The following RERE variants were observed in gnomAD, a reference collection of about 807,000 sequenced individuals.
RERE encodes the protein arginine-glutamic acid dipeptide repeats, also known as arginine-glutamic acid dipeptide repeats protein.
RERE carries 40 observed loss-of-function variants against 146.1 expected under a neutral mutation model. That is an observed-to-expected ratio of 0.27 (90% CI 0.21 to 0.36). The LOEUF is 0.36. RERE is among the 10% of genes least tolerant of loss of function. RERE has a pLI of 1.00. For synonymous variants in RERE, 1,003 were observed against 866.0 expected, an observed-to-expected ratio of 1.16 and a Z score of -2.78; for missense variants, 1,933 against 2,138.7, an observed-to-expected ratio of 0.90 and a Z score of 1.90.
chr1:8,389,112 C>G (rs138475597), intron 12 of RERE, among the ~76,000 whole-genome samples: 3 of 152,296 alleles, frequency 2.0e-5, no homozygotes, highest in South Asian at 2.1e-4. Flanking sequence ...CATGTGTCAG[C>G]TGGGAAGGGT....
chr1:8,412,516 A>C (rs1643642700), intron 12 of RERE, among the ~76,000 whole-genome samples: 1 of 152,222 alleles, frequency 6.6e-6, no homozygotes, highest in African/African-American at 2.4e-5. Context: ...TGGGACATAC[A>C]AAGTGTGTGT....
intron 1 of RERE, chr1:8,798,650 G>T: frequency 4.6e-6 from 1 of 216,360 alleles, no homozygotes. Context: ...GACAGCTGTT[G>T]TGGGCAAGAA....
chr1:8,689,577 CCT>C (rs1458131584), intron 1 of RERE, among the ~76,000 whole-genome samples: 2 of 152,086 alleles, frequency 1.3e-5, no homozygotes, highest in Admixed American at 1.3e-4. Flanking sequence ...ATATTTTTTC[CCT>C]GAGACAGGAA....
At chr1:8,664,134 A>G (rs1255148987) in intron 1 of RERE, among the ~76,000 whole-genome samples, 2 of 152,022 alleles carry the variant, frequency 1.3e-5, no homozygotes, top group African/African-American at 2.4e-5. Flanking sequence ...AGCAACTCCC[A>G]CTCAAGCAAT....
At chr1:8,436,232 T>C (rs1031507427) in intron 11 of RERE, among the ~76,000 whole-genome samples, 12 of 152,176 alleles carry the variant, frequency 7.9e-5, no homozygotes, top group African/African-American at 2.7e-4. Flanking sequence ...GGCAGGAGAA[T>C]TGCTTGAACC....
chr1:8,487,891 G>A (rs1231215808), intron 10 of RERE, among the ~76,000 whole-genome samples: 1 of 152,000 alleles, frequency 6.6e-6, no homozygotes, highest in Non-Finnish European at 1.5e-5. Flanking sequence ...GAAATACTTA[G>A]GAGTAAATTT....
At chr1:8,574,327 A>T (rs1461881238) in intron 4 of RERE, among the ~76,000 whole-genome samples, 1 of 143,210 alleles carries the variant, frequency 7.0e-6, no homozygotes, top group Non-Finnish European at 1.5e-5. Context: ...TAAGACTATG[A>T]TCTATATATA....
intron 11 of RERE, among the ~76,000 whole-genome samples, chr1:8,450,074 AG>A (rs895499226): frequency 2.0e-5 from 3 of 152,120 alleles, no homozygotes; most frequent in African/African-American, 4.8e-5. Flanking sequence ...AAATCCCATG[AG>A]AACAGTACCT....
At chr1:8,743,457 G>T (rs965553170) in intron 1 of RERE, among the ~76,000 whole-genome samples, 18 of 149,176 alleles carry the variant, frequency 1.2e-4, no homozygotes, top group African/African-American at 3.9e-4. Flanking sequence ...TAGTAGAGAC[G>T]GGGTTTCACC....
At chr1:8,780,307 T>C (rs181801453) in intron 1 of RERE, among the ~76,000 whole-genome samples, 15 of 152,154 alleles carry the variant, frequency 9.9e-5, no homozygotes, top group Non-Finnish European at 1.5e-4. Flanking sequence ...AGCGAGTACA[T>C]GCCTGAGTTA....
chr1:8,477,229 G>A (rs1884352), intron 10 of RERE, among the ~76,000 whole-genome samples: 87,724 of 152,064 alleles, frequency 0.58, 25,906 homozygotes, highest in East Asian at 0.83. Flanking sequence ...TGCGGAGGGT[G>A]TAGGCTGCTT....
intron 7 of RERE, among the ~76,000 whole-genome samples, chr1:8,540,746 TAC>T (rs1645790397): frequency 6.6e-6 from 1 of 152,204 alleles, no homozygotes; most frequent in Non-Finnish European, 1.5e-5. Flanking sequence ...CTAGTAGTCT[TAC>T]TAAAGATATT....
intron 11 of RERE, among the ~76,000 whole-genome samples, chr1:8,464,632 C>T (rs1391862381): frequency 6.6e-6 from 1 of 152,226 alleles, no homozygotes; most frequent in Non-Finnish European, 1.5e-5. Flanking sequence ...AGAAACATTC[C>T]TGCCTACTTC....
intron 4 of RERE, among the ~76,000 whole-genome samples, chr1:8,580,937 G>A (rs1646357054): frequency 6.6e-6 from 1 of 152,056 alleles, no homozygotes; most frequent in Admixed American, 6.6e-5. Flanking sequence ...GGGCTCAAGG[G>A]ATCCTCCTCC....
At chr1:8,578,009 T>C (rs879727964) in intron 4 of RERE, among the ~76,000 whole-genome samples, 12 of 151,818 alleles carry the variant, frequency 7.9e-5, no homozygotes, top group Non-Finnish European at 1.8e-4. Flanking sequence ...GAGAATGGCT[T>C]GAACCTGGGA....
rs58064164 is a variant in RERE at position 8,516,227 on chromosome 1, G to GAAAAAAAAAAAA, written c.831-7564_831-7553dup. ...GGGACGGAGCAAGACTCTCTCAGAG[G>GAAAAAAAAAAAA]AAAAAAAAAAAAAAAAAAAAAATCT... On this transcript the variant is annotated intron_variant, in intron 7 of 22. Transcript: ENST00000400908. 1.2e-3 allele frequency among the ~76,000 whole-genome samples: 64 copies of GAAAAAAAAAAAA among 52,306 alleles called. 3 individuals carry two copies. The highest frequency in any genetic ancestry group is 3.3e-3 in the African/African-American group (38 of 11,628). The allele number at this position is 52,306 out of a possible 152,430, so 34.3% of individuals were successfully genotyped here. A position where few individuals can be genotyped will look rare whatever the true frequency, so the allele number is the denominator to read the frequency against.
chr1:8,381,051 T>C, intron 12 of RERE: 1 of 456,432 alleles, frequency 2.2e-6, no homozygotes, highest in South Asian at 1.5e-5. Flanking sequence ...TCCTGGTTGC[T>C]GCTGGCCCAC....
chr1:8,657,794 C>T (rs1557462725), intron 1 of RERE, among the ~76,000 whole-genome samples: 1 of 152,100 alleles, frequency 6.6e-6, no homozygotes, highest in Admixed American at 6.5e-5. Context: ...TTACAGTGAG[C>T]CGAGATCACA....
intron 4 of RERE, among the ~76,000 whole-genome samples, chr1:8,587,301 G>A (rs575991783): frequency 1.3e-5 from 2 of 152,254 alleles, no homozygotes; most frequent in South Asian, 4.1e-4. Context: ...TTCCCAATCT[G>A]CAAAACCAGA....
Sources: gnomAD v4.1 joint callset for allele counts (sites outside exome capture counted in the v4.1 genomes callset) on GRCh38, gnomAD v4.1.1 for gene constraint, MANE v1.5 for transcripts, NCBI Gene and HGNC (gene_info 2026-07-23, HGNC 2026-07-21) for gene names.